Variants in PALB2 observed in about 807,000 individuals in gnomAD.
PALB2 encodes the protein partner and localizer of BRCA2.
In PALB2, 82 loss-of-function variants were observed where a neutral mutation model predicts 107.4. That is an observed-to-expected ratio of 0.76 (90% CI 0.64 to 0.92). The LOEUF is 0.92. Among genes scored for constraint, PALB2 ranks in the 40% least tolerant of loss-of-function variants. PALB2 has a pLI of 0.00. For missense variants in PALB2, 1,374 were observed against 1,379.9 expected (o/e 1.00, Z 0.07); for synonymous variants, 489 against 496.8 (o/e 0.98, Z 0.21).
In PALB2 at chr16:23,626,342, C is replaced by T. The variant is rs772499138; in HGVS notation, c.2642G>A (p.Gly881Asp). 4.3e-6 allele frequency: 7 copies of T among 1,614,176 alleles called. No individual in the cohort carries two copies. Among genetic ancestry groups the T allele is most frequent in the Non-Finnish European group, 5.1e-6 (6 of 1,180,028 alleles). ...AGTTATGATACATGGCTCTTTACAA[C>T]CGGCTCTTTCCCAAAACATGGCACT... ...DVSAMFWERA[G>D]CKEPCIITAC... Residue 881 changes from glycine to aspartate, a missense_variant, in exon 7 of 13, where the codon GGT (glycine) becomes GAT (aspartate). Coordinates refer to ENST00000261584, the MANE Select transcript of PALB2 (RefSeq NM_024675.4).
intron 10 of PALB2, among the ~76,000 whole-genome samples, chr16:23,616,443 T>C (rs1347490242): frequency 6.6e-6 from 1 of 152,222 alleles, no homozygotes; most frequent in Non-Finnish European, 1.5e-5. Context: ...CAGATGGGTG[T>C]CCTACAGAGT....
chr16:23,626,242 G>T lies in PALB2; in HGVS notation c.2742C>A (p.Phe914Leu), dbSNP rs115759702. The T allele has an allele frequency of 6.2e-7, 1 of 1,614,150 alleles. No individual in the cohort carries two copies. The highest frequency in any genetic ancestry group is 1.3e-5 in the African/African-American group (1 of 75,040). ...GCTCGAGATTCCCACTTACCTCTGC[G>T]AAGTGCCAGGTATAAAGTTTTTCCC... ...WQWEKLYTWH[F>L]AEVPVLQIVP... The change falls in exon 7 of 13, where the codon TTC becomes TTA. Residue 914 changes from phenylalanine (F) to leucine (L), a missense_variant. Transcript: ENST00000261584.
At position 23,635,961 on chromosome 16, in the gene PALB2, T is replaced by A. The variant is rs767775306; in HGVS notation, c.585A>T (p.Ile195=). The A allele has an allele frequency of 9.9e-6, 16 of 1,614,062 alleles. No individual in the cohort carries two copies. The highest frequency in any genetic ancestry group is 1.3e-5 in the Non-Finnish European group (15 of 1,180,044). The change falls in exon 4 of 13, where the codon ATA becomes ATT. Residue 195 remains isoleucine (I), a synonymous_variant. Transcript: ENST00000261584. ...ATTTAAGACTTAAAAGGTGAGTTCTTATTTCAGTTACTGGTGATCTAGCAG... is the reference window on the plus strand; with the variant it reads ...ATTTAAGACTTAAAAGGTGAGTTCTAATTTCAGTTACTGGTGATCTAGCAG... The part of the protein sequence containing the change: ...KNPARSPVTE[I]RTHLLSLKSE...
chr16:23,607,729 C>T, intron 12 of PALB2, 135 bp downstream of exon 12: 2 of 1,096,424 alleles, frequency 1.8e-6, no homozygotes, highest in African/African-American at 1.5e-5. Flanking sequence ...CATCCTACTT[C>T]TGAATATTCC....
At position 23,636,233 on chromosome 16, in the gene PALB2, C is replaced by G. The variant is rs1307895700; in HGVS notation, c.313G>C (p.Glu105Gln). The change falls in exon 4 of 13, where the codon GAG becomes CAG. Residue 105 changes from glutamate (E) to glutamine (Q), a missense_variant. Physicochemically the swap from Glu to Gln is conservative, Grantham distance 29 (BLOSUM62 2). Coordinates refer to ENST00000261584, the MANE Select transcript of PALB2 (RefSeq NM_024675.4). ...GGGCCATCTCCAGGGTTAAAGGACTCAGGCCCAACATCAAGTGTGATAGAT... is the reference window on the plus strand; with the variant it reads ...GGGCCATCTCCAGGGTTAAAGGACTGAGGCCCAACATCAAGTGTGATAGAT... The part of the protein sequence containing the change: ...KTSITLDVGP[E>Q]SFNPGDGPGG... 1 of 1,613,674 alleles carries G rather than the reference C, an allele frequency of 6.2e-7. No homozygotes were observed. Among genetic ancestry groups the G allele is most frequent in the East Asian group, 2.2e-5 (1 of 44,890 alleles).
rs62625271 is a variant in PALB2, at chr16:23,607,963, G to A, written c.3251C>T (p.Ser1084Leu). The A allele has an allele frequency of 1.1e-4, 171 of 1,613,890 alleles. No homozygotes were observed. Among genetic ancestry groups the A allele is most frequent in the Non-Finnish European group, 1.3e-4 (155 of 1,179,976 alleles). The change falls in exon 12 of 13, where the codon TCG becomes TTG. Residue 1084 changes from serine to leucine, a missense_variant. Coordinates refer to ENST00000261584, the MANE Select transcript of PALB2 (RefSeq NM_024675.4). ...LSHPCAKESE[S>L]LRSPVFQLIV... is the part of the protein sequence containing the mutation. ...GAGCTGAAACACAGGGCTTCGCAAC[G>A]ACTCACTCTCTTTGGCACAGGGATG...
At chr16:23,619,848 T>C (rs1419504667) in intron 10 of PALB2, among the ~76,000 whole-genome samples, 1 of 151,924 alleles carries the variant, frequency 6.6e-6, no homozygotes, top group Non-Finnish European at 1.5e-5. Flanking sequence ...GGCGCAATCT[T>C]GACTCACTGC....
chr16:23,621,374 T>G lies in PALB2; in HGVS notation c.3101A>C (p.Asn1034Thr). The change falls in exon 10 of 13, where the codon AAC becomes ACC. Residue 1034 changes from asparagine (N) to threonine (T), a missense_variant. By Grantham distance (65) the Asn-to-Thr change is moderately conservative (BLOSUM62 0). Transcript: ENST00000261584. ...AGGGAAAGCTTACCAAATAACAATG[T>G]TGTTCATAATAGTAGTACCAAGCAG... ...EALLGTTIMN[N>T]IVIWNLKTGQ... 1 of 1,609,624 alleles carries G rather than the reference T, an allele frequency of 6.2e-7. No individual in the cohort carries two copies. Among genetic ancestry groups the G allele is most frequent in the Middle Eastern group, 1.7e-4 (1 of 6,052 alleles).
chr16:23,618,552 AAG>A (rs1270075054), intron 10 of PALB2, among the ~76,000 whole-genome samples: 2 of 151,930 alleles, frequency 1.3e-5, no homozygotes, highest in Non-Finnish European at 2.9e-5. Flanking sequence ...GAGTTGAAGA[AAG>A]AGTATTTACA....
intron 10 of PALB2, among the ~76,000 whole-genome samples, chr16:23,618,684 TA>T (rs1001027183): frequency 1.3e-5 from 2 of 150,170 alleles, no homozygotes; most frequent in African/African-American, 2.4e-5. Flanking sequence ...TAAAAAAATT[TA>T]AAAAAAAAAT....
intron 4 of PALB2, 133 bp downstream of exon 4, chr16:23,634,729 T>A (rs1966942015): frequency 1.7e-6 from 2 of 1,202,702 alleles, no homozygotes; most frequent in South Asian, 2.7e-5. Flanking sequence ...CCCAAAGTGC[T>A]GGGATTACAG....
At chr16:23,640,826 G>C in intron 1 of PALB2, 2 of 393,090 alleles carry the variant, frequency 5.1e-6, no homozygotes, top group Non-Finnish European at 9.2e-6. Flanking sequence ...AAGATTGAGG[G>C]TGTGGGAGGG....
intron 6 of PALB2, among the ~76,000 whole-genome samples, chr16:23,626,673 G>C (rs745885226): frequency 7.2e-5 from 11 of 152,076 alleles, no homozygotes; most frequent in African/African-American, 2.4e-4. Flanking sequence ...CCAGGCTGGA[G>C]TGCAGTGGTG....
In PALB2 at chr16:23,626,376, C is replaced by A. The variant is rs376641234; in HGVS notation, c.2608G>T (p.Val870Leu). 6.2e-7 allele frequency: 1 copy of A among 1,614,126 alleles called. No individual in the cohort carries two copies. The highest frequency in any genetic ancestry group is 2.2e-5 in the East Asian group (1 of 44,872). ...TCCCAAAACATGGCACTCACATCTA[C>A]GGAACAGGAACCTGAAGGATTCTGA... is the stretch of plus-strand genomic sequence containing the variant. The part of the protein sequence containing the change: ...ELKNPSGSCS[V>L]DVSAMFWERA... The change falls in exon 7 of 13, where the codon GTA becomes TTA. Residue 870 changes from valine (V) to leucine (L), a missense_variant. Coordinates refer to ENST00000261584, the MANE Select transcript of PALB2 (RefSeq NM_024675.4).
At chr16:23,611,090 A>ATCTG in intron 11 of PALB2, among the ~76,000 whole-genome samples, 2 of 143,696 alleles carry the variant, frequency 1.4e-5, no homozygotes, top group Middle Eastern at 7.0e-3. Flanking sequence ...CTATCTATCT[A>ATCTG]TCTATCTATC....
Position 23,635,999 on chromosome 16 carries a change from T to C in PALB2, c.547A>G (p.Ser183Gly), listed in dbSNP as rs2142440734. The C allele has an allele frequency of 6.2e-7, 1 of 1,614,196 alleles. No individual in the cohort carries two copies. The highest frequency in any genetic ancestry group is 1.1e-5 in the South Asian group (1 of 91,084). ...GGTGATCTAGCAGGATTTTTGCTACTGATTTCTTCCTGTTCCTTTAGTCTT... is the reference window on the plus strand; with the variant it reads ...GGTGATCTAGCAGGATTTTTGCTACCGATTTCTTCCTGTTCCTTTAGTCTT... ...GKRLKEQEEI[S>G]SKNPARSPVT... The change falls in exon 4 of 13, where the codon AGT becomes GGT. Residue 183 changes from serine to glycine, a missense_variant. Coordinates refer to ENST00000261584, the MANE Select transcript of PALB2 (RefSeq NM_024675.4).
intron 8 of PALB2, 67 bp downstream of exon 8, chr16:23,623,942 G>T: frequency 9.6e-7 from 1 of 1,037,686 alleles, no homozygotes; most frequent in Non-Finnish European, 1.5e-6. Context: ...GTTATTACCT[G>T]CACTTAAAAC....
chr16:23,628,721 T>A (rs1437992856), intron 6 of PALB2, among the ~76,000 whole-genome samples: 1 of 152,176 alleles, frequency 6.6e-6, no homozygotes, highest in Non-Finnish European at 1.5e-5. Context: ...CTGCAACGTC[T>A]GTCTCCCAGT....
chr16:23,640,835 G>C (rs942371807), intron 1 of PALB2: 29 of 403,668 alleles, frequency 7.2e-5, no homozygotes, highest in Admixed American at 5.8e-4. Context: ...GGTGTGGGAG[G>C]GGGGAGGAGC....
Sources: allele counts gnomAD v4.1 joint callset (sites outside exome capture counted in the v4.1 genomes callset), GRCh38; gene constraint gnomAD v4.1.1; transcripts MANE v1.5; gene names NCBI Gene and HGNC (gene_info 2026-07-23, HGNC 2026-07-21).